PTPRD: variants seen among roughly 807,000 people sequenced by gnomAD.
The protein encoded by PTPRD is receptor-type tyrosine-protein phosphatase delta.
PTPRD carries 34 observed loss-of-function variants against 214.5 expected under a neutral mutation model. The ratio of observed to expected loss-of-function variants is 0.16; its 90% confidence interval spans 0.12 to 0.21. The LOEUF is 0.21. Ranked by LOEUF, PTPRD falls within the 10% of genes least tolerant of loss-of-function variation. The pLI is 1.00. For synonymous variants in PTPRD, 1,128 were observed against 845.7 expected, an observed-to-expected ratio of 1.33 and a Z score of -5.79; for missense variants, 2,545 against 2,398.7, an observed-to-expected ratio of 1.06 and a Z score of -1.27.
At chr9:9,184,568 A>G (rs550849509) in intron 9 of PTPRD, among the ~76,000 whole-genome samples, 22 of 152,058 alleles carry the variant, frequency 1.4e-4, no homozygotes, top group Non-Finnish European at 2.8e-4. Flanking sequence ...TGACTAGGAC[A>G]TCTATTGGCA....
chr9:10,276,942 G>C (rs772813706), intron 3 of PTPRD, among the ~76,000 whole-genome samples: 2 of 152,096 alleles, frequency 1.3e-5, no homozygotes, highest in Admixed American at 6.6e-5. Flanking sequence ...ACATATCAGT[G>C]GGATATGGTA....
At chr9:8,636,158 C>T (rs1318026063) in intron 13 of PTPRD, among the ~76,000 whole-genome samples, 1 of 152,156 alleles carries the variant, frequency 6.6e-6, no homozygotes, top group East Asian at 1.9e-4. Context: ...AGCATCCATT[C>T]CCATTCTTCT....
chr9:8,748,615 T>C (rs931996943), intron 11 of PTPRD, among the ~76,000 whole-genome samples: 1 of 150,806 alleles, frequency 6.6e-6, no homozygotes, highest in Non-Finnish European at 1.5e-5. Context: ...ATTCATTGCA[T>C]AAATCTTCAT....
intron 30 of PTPRD, among the ~76,000 whole-genome samples, chr9:8,471,477 G>C (rs2096651853): frequency 6.6e-6 from 1 of 152,032 alleles, no homozygotes; most frequent in Non-Finnish European, 1.5e-5. Context: ...TTTAAAAGGA[G>C]GATATAGATG....
In PTPRD at chr9:9,437,087, T is replaced by C. The variant is rs560173677; in HGVS notation, c.-236-39605A>G. Among the ~76,000 whole-genome samples, 14 of 152,302 alleles carry C rather than the reference T, an allele frequency of 9.2e-5. 1 individual carries two copies. Among genetic ancestry groups the C allele is most frequent in the African/African-American group, 3.4e-4 (14 of 41,564 alleles). ...TAAAGCAATGTAATAAACTCTAATATTTTTGGGCAGCGAATTCACTGGGAC... is the reference window on the plus strand; with the variant it reads ...TAAAGCAATGTAATAAACTCTAATACTTTTGGGCAGCGAATTCACTGGGAC... On this transcript the variant is annotated intron_variant, in intron 8 of 45. Transcript: ENST00000381196.
intron 2 of PTPRD, among the ~76,000 whole-genome samples, chr9:10,473,556 A>T (rs1429805204): frequency 1.3e-5 from 2 of 152,110 alleles, no homozygotes; most frequent in Non-Finnish European, 2.9e-5. Flanking sequence ...GTTTGTATGG[A>T]ATTGTAACAT....
chr9:10,554,253 C>T (rs116583853), intron 2 of PTPRD, among the ~76,000 whole-genome samples: 2,397 of 152,184 alleles, frequency 0.016, 61 homozygotes, highest in African/African-American at 0.055. Flanking sequence ...GTTACTTTTT[C>T]CCCAATGGAT....
intron 14 of PTPRD, among the ~76,000 whole-genome samples, chr9:8,580,991 A>C (rs2093017859): frequency 1.3e-5 from 2 of 152,172 alleles, no homozygotes; most frequent in Non-Finnish European, 2.9e-5. Flanking sequence ...TCAATAATGT[A>C]AAAATTAGAA....
At position 9,090,188 on chromosome 9, in the gene PTPRD, C is replaced by T. The variant is rs572198822; in HGVS notation, c.-142-71453G>A. Among the ~76,000 whole-genome samples, 10 of 152,150 alleles carry T rather than the reference C, an allele frequency of 6.6e-5. No homozygotes were observed. The East Asian group carries it at 1.5e-3, about 24-fold the overall frequency. The stretch of plus-strand genomic sequence containing the variant: ...TATGTTGTATGTTTGTACCCATTAA[C>T]CTACCTCTCTTCATCTCCCTGGCCC... On this transcript the variant is annotated intron_variant, in intron 10 of 45. Transcript: ENST00000381196.
chr9:8,893,154 T>C (rs2098556423), intron 11 of PTPRD, among the ~76,000 whole-genome samples: 1 of 152,136 alleles, frequency 6.6e-6, no homozygotes. Context: ...AGTTTTGTTT[T>C]GTTTTGCAAA....
At chr9:9,561,564 G>T (rs2082957888) in intron 8 of PTPRD, among the ~76,000 whole-genome samples, 1 of 152,100 alleles carries the variant, frequency 6.6e-6, no homozygotes, top group Non-Finnish European at 1.5e-5. Flanking sequence ...CAAGCAAATG[G>T]ACAAGTATAA....
intron 6 of PTPRD, among the ~76,000 whole-genome samples, chr9:9,742,850 C>A (rs751070304): frequency 6.6e-6 from 1 of 152,148 alleles, no homozygotes; most frequent in African/African-American, 2.4e-5. Flanking sequence ...ACTACTATTG[C>A]TAAAATCTCA....
chr9:9,202,617 T>C (rs2099942547), intron 9 of PTPRD, among the ~76,000 whole-genome samples: 1 of 152,282 alleles, frequency 6.6e-6, no homozygotes. Context: ...TAGTGGTACA[T>C]TATTAGTTGT....
chr9:10,578,968 C>T (rs987771558), intron 2 of PTPRD, among the ~76,000 whole-genome samples: 1 of 151,810 alleles, frequency 6.6e-6, no homozygotes, highest in Admixed American at 6.6e-5. Context: ...AGGTTTGTTA[C>T]GTAGGTATAC....
At chr9:9,838,338 C>T (rs373499402) in intron 5 of PTPRD, among the ~76,000 whole-genome samples, 25 of 151,914 alleles carry the variant, frequency 1.6e-4, no homozygotes, top group African/African-American at 5.1e-4. Context: ...CCTGAGGAAT[C>T]GCCACACTGA....
chr9:9,989,417 G>C (rs1716706327), intron 4 of PTPRD, among the ~76,000 whole-genome samples: 1 of 152,272 alleles, frequency 6.6e-6, no homozygotes, highest in Middle Eastern at 3.4e-3. Flanking sequence ...GAAGAGAAGA[G>C]AAGAAGCAGC....
At chr9:10,207,687 CATTT>C (rs1720734918) in intron 3 of PTPRD, among the ~76,000 whole-genome samples, 1 of 151,530 alleles carries the variant, frequency 6.6e-6, no homozygotes, top group Non-Finnish European at 1.5e-5. Flanking sequence ...AGAAACTTGT[CATTT>C]ATATCTTGTT....
intron 2 of PTPRD, among the ~76,000 whole-genome samples, chr9:10,545,925 G>A (rs1279159346): frequency 1.3e-5 from 2 of 151,998 alleles, no homozygotes; most frequent in East Asian, 3.9e-4. Context: ...AAATTAGGCT[G>A]GCATATTATA....
intron 6 of PTPRD, among the ~76,000 whole-genome samples, chr9:9,741,608 C>T (rs2098403392): frequency 6.6e-6 from 1 of 152,100 alleles, no homozygotes; most frequent in South Asian, 2.1e-4. Flanking sequence ...CTCCCATAGT[C>T]CCCCAAACCC....
Sources: allele counts gnomAD v4.1 joint callset (sites outside exome capture counted in the v4.1 genomes callset), GRCh38; gene constraint gnomAD v4.1.1; transcripts MANE v1.5; gene names NCBI Gene and HGNC (gene_info 2026-07-23, HGNC 2026-07-21).